Variants in ACO1 observed in about 807,000 individuals in gnomAD.
The protein encoded by ACO1 is aconitase 1.
In ACO1, 78 loss-of-function variants were observed where a neutral mutation model predicts 105.1. That is an observed-to-expected ratio of 0.74 (90% CI 0.62 to 0.90). ACO1 has a LOEUF of 0.90. Ranked by LOEUF, ACO1 falls within the 40% of genes least tolerant of loss-of-function variation. The pLI is 0.00. For missense variants in ACO1, 965 were observed against 1,111.1 expected (o/e 0.87, Z 1.87); for synonymous variants, 364 against 397.4 (o/e 0.92, Z 1.00).
At chr9:32,431,360 A>G (rs771411963) in intron 14 of ACO1, among the ~76,000 whole-genome samples, 1 of 152,310 alleles carries the variant, frequency 6.6e-6, no homozygotes, top group East Asian at 1.9e-4. Flanking sequence ...GCTGTTCAAA[A>G]TGGTCCTTGA....
intron 1 of ACO1, among the ~76,000 whole-genome samples, chr9:32,399,111 C>T (rs963748432): frequency 2.6e-5 from 4 of 152,090 alleles, no homozygotes; most frequent in Admixed American, 2.0e-4. Context: ...CTGTCATTCA[C>T]GTAAAGGGAA....
At chr9:32,388,579 CTG>C (rs372985357) in intron 1 of ACO1, among the ~76,000 whole-genome samples, 342 of 152,112 alleles carry the variant, frequency 2.2e-3, no homozygotes, top group African/African-American at 7.9e-3. Context: ...GTAGAGTACA[CTG>C]TGTGTGTATA....
chr9:32,434,661 G>T lies in ACO1; in HGVS notation c.2059G>T (p.Ala687Ser), dbSNP rs1487919951. ...TDHISPAGNI[A>S]RNSPAARYLT... ...CCACATCTCCCCAGCTGGAAATATT[G>T]CAAGAAACAGTCCTGCTGCTCGCTA... Residue 687 changes from alanine to serine, a missense_variant, in exon 17 of 21, where the codon GCA becomes TCA. Transcript: ENST00000309951. 1 of 1,614,106 alleles carries T rather than the reference G, an allele frequency of 6.2e-7. No homozygotes were observed. The highest frequency in any genetic ancestry group is 2.2e-5 in the East Asian group (1 of 44,876).
chr9:32,385,774 T>G (rs1280591132), intron 1 of ACO1, among the ~76,000 whole-genome samples: 1 of 152,216 alleles, frequency 6.6e-6, no homozygotes, highest in Non-Finnish European at 1.5e-5. Context: ...AAAAAGCAAG[T>G]AACATTTTAT....
At chr9:32,445,643 T>G in intron 19 of ACO1, 1 of 257,892 alleles carries the variant, frequency 3.9e-6, no homozygotes, top group Admixed American at 5.5e-5. Flanking sequence ...AGTTATTTCT[T>G]GCCTTCTGCT....
At chr9:32,424,757 C>A (rs1404439220) in intron 10 of ACO1, 92 bp downstream of exon 10, 3 of 835,512 alleles carry the variant, frequency 3.6e-6, no homozygotes, top group Non-Finnish European at 5.9e-6. Context: ...TGACATGAAT[C>A]TTCCTGTAGC....
intron 19 of ACO1, among the ~76,000 whole-genome samples, chr9:32,442,508 T>C (rs1051988897): frequency 2.0e-5 from 3 of 152,344 alleles, no homozygotes; most frequent in Admixed American, 2.0e-4. Context: ...TTTATTGCTG[T>C]ATATTGCCAA....
At chr9:32,399,963 T>C (rs901648694) in intron 1 of ACO1, among the ~76,000 whole-genome samples, 10 of 104,736 alleles carry the variant, frequency 9.5e-5, no homozygotes, top group Non-Finnish European at 2.0e-4. Context: ...TTTTTCTTTT[T>C]CTGTTTTTTT....
At chr9:32,389,759 A>C in intron 1 of ACO1, among the ~76,000 whole-genome samples, 1 of 148,554 alleles carries the variant, frequency 6.7e-6, no homozygotes, top group African/African-American at 2.5e-5. Flanking sequence ...AGCCTCAACG[A>C]CTGTGAACAG....
intron 19 of ACO1, among the ~76,000 whole-genome samples, chr9:32,444,154 C>T (rs999026644): frequency 6.6e-6 from 1 of 152,180 alleles, no homozygotes; most frequent in Non-Finnish European, 1.5e-5. Context: ...ATGAACTCAT[C>T]CTTTTTTATG....
intron 4 of ACO1, among the ~76,000 whole-genome samples, chr9:32,416,073 CTGTGTGGTAACCAAA>C (rs1821840887): frequency 6.6e-6 from 1 of 150,750 alleles, no homozygotes; most frequent in South Asian, 2.1e-4. Flanking sequence ...GAAAAAAAAT[CTGTGTGGTAACCAAA>C]TATGTTTTCT....
At chr9:32,440,233 A>G (rs1286044974) in intron 18 of ACO1, among the ~76,000 whole-genome samples, 1 of 151,736 alleles carries the variant, frequency 6.6e-6, no homozygotes, top group African/African-American at 2.4e-5. Flanking sequence ...GTGCCACTGC[A>G]CTCCAGCCTA....
chr9:32,418,058 A>C, intron 4 of ACO1, 70 bp from the exon 5 acceptor site: 5 of 1,418,104 alleles, frequency 3.5e-6, no homozygotes, highest in Non-Finnish European at 4.9e-6. Flanking sequence ...TTGTTTCTTC[A>C]TCACCAATAA....
At chr9:32,441,257 C>G (rs1014168872) in intron 19 of ACO1, among the ~76,000 whole-genome samples, 9 of 152,104 alleles carry the variant, frequency 5.9e-5, no homozygotes, top group Non-Finnish European at 2.9e-5. Flanking sequence ...AGGGGCCATG[C>G]AGGGAGCAGA....
chr9:32,435,815 T>C (rs754896898), intron 17 of ACO1, among the ~76,000 whole-genome samples: 2 of 152,250 alleles, frequency 1.3e-5, no homozygotes, highest in Non-Finnish European at 2.9e-5. Context: ...TCTGGTTACT[T>C]TGTGGAACGT....
chr9:32,450,713 T>TAAAAAG lies in ACO1; in HGVS notation c.*606_*611dup, dbSNP rs1822746756. 6.6e-6 allele frequency: 1 copy of TAAAAAG among 152,104 alleles called. No homozygotes were observed. The highest frequency in any genetic ancestry group is 2.1e-4 in the South Asian group (1 of 4,832). The allele number at this position is 152,104 out of a possible 1,614,324, so 9.4% of individuals were successfully genotyped here. ...TTATGTACCTTTTGATAGATCCACA[T>TAAAAAG]AAAAAGAAATGTGAAGTTTTCTTTT... On this transcript the variant is annotated 3_prime_UTR_variant, in exon 21 of 21. Coordinates refer to ENST00000309951, the MANE Select transcript of ACO1 (RefSeq NM_002197.3).
intron 1 of ACO1, among the ~76,000 whole-genome samples, chr9:32,404,996 C>T (rs1415089454): frequency 6.6e-6 from 1 of 152,172 alleles, no homozygotes; most frequent in Non-Finnish European, 1.5e-5. Context: ...CTTTGCTGCC[C>T]ATTCTTTAGT....
At position 32,419,192 on chromosome 9, in the gene ACO1, C is replaced by T; in HGVS notation, c.798+15C>T. 6.4e-7 allele frequency: 1 copy of T among 1,559,726 alleles called. No homozygotes were observed. Among genetic ancestry groups the T allele is most frequent in the Non-Finnish European group, 8.7e-7 (1 of 1,150,282 alleles). ...CCATTACCAAGGTAACAATGTGCAT[C>T]CTCTTCTGTGGTCTTGGAAAGCCAC... On this transcript the variant is annotated intron_variant, in intron 7 of 20. Coordinates refer to ENST00000309951, the MANE Select transcript of ACO1 (RefSeq NM_002197.3).
At chr9:32,416,760 G>T (rs917797960) in intron 4 of ACO1, among the ~76,000 whole-genome samples, 15 of 152,180 alleles carry the variant, frequency 9.9e-5, no homozygotes, top group African/African-American at 3.6e-4. Context: ...CATGGTCAAG[G>T]TAGAAACCCC....
Sources: gnomAD v4.1 joint callset for allele counts (sites outside exome capture counted in the v4.1 genomes callset) on GRCh38, gnomAD v4.1.1 for gene constraint, MANE v1.5 for transcripts, NCBI Gene and HGNC (gene_info 2026-07-23, HGNC 2026-07-21) for gene names.